TSG101: variants seen among roughly 807,000 people sequenced by gnomAD.
The protein encoded by TSG101 is tumor susceptibility 101.
TSG101 carries 19 observed loss-of-function variants against 48.5 expected under a neutral mutation model. The ratio of observed to expected loss-of-function variants is 0.39; its 90% confidence interval spans 0.27 to 0.58. The LOEUF (loss-of-function observed/expected upper bound fraction) is 0.58, where lower values mean the gene tolerates loss of function less well. TSG101 is among the 20% of genes least tolerant of loss of function. The probability of loss-of-function intolerance (pLI) is 0.55; values close to 1 mark genes in which losing one functional copy is unlikely to be tolerated. For synonymous variants in TSG101, 174 were observed against 169.4 expected, an observed-to-expected ratio of 1.03 and a Z score of -0.21; for missense variants, 365 against 484.4, an observed-to-expected ratio of 0.75 and a Z score of 2.31.
intron 1 of TSG101, among the ~76,000 whole-genome samples, chr11:18,524,730 C>A (rs1291671553): frequency 6.6e-6 from 1 of 152,084 alleles, no homozygotes; most frequent in Non-Finnish European, 1.5e-5. Context: ...AAAGTAATCA[C>A]AGGTTGGGTG....
intron 4 of TSG101, among the ~76,000 whole-genome samples, chr11:18,512,312 A>G (rs1446022874): frequency 1.3e-5 from 2 of 152,190 alleles, no homozygotes; most frequent in African/African-American, 4.8e-5. Context: ...AGGTTGAGGC[A>G]GTCTCTATTC....
At chr11:18,506,236 G>A (rs891173987) in intron 6 of TSG101, among the ~76,000 whole-genome samples, 3 of 151,832 alleles carry the variant, frequency 2.0e-5, no homozygotes, top group Non-Finnish European at 4.4e-5. Context: ...GGAAAGAAAT[G>A]GGTTGAGTAA....
At chr11:18,503,717 T>C (rs1849925302) in intron 6 of TSG101, among the ~76,000 whole-genome samples, 1 of 152,138 alleles carries the variant, frequency 6.6e-6, no homozygotes, top group Admixed American at 6.6e-5. Flanking sequence ...GGACATGATT[T>C]TCAGATCTAA....
At chr11:18,481,466 T>C (rs1590267296) in intron 9 of TSG101, 164 bp downstream of exon 9, 1 of 1,421,524 alleles carries the variant, frequency 7.0e-7, no homozygotes, top group East Asian at 2.6e-5. Context: ...CAGTACTCTG[T>C]AGGTAAAAAG....
At chr11:18,510,107 T>C (rs962309611) in intron 4 of TSG101, among the ~76,000 whole-genome samples, 7 of 152,294 alleles carry the variant, frequency 4.6e-5, no homozygotes, top group African/African-American at 1.7e-4. Flanking sequence ...TTATTAAAGA[T>C]ATTATGAACT....
intron 7 of TSG101, among the ~76,000 whole-genome samples, chr11:18,488,084 C>T (rs1849646953): frequency 6.6e-6 from 1 of 152,076 alleles, no homozygotes; most frequent in Admixed American, 6.5e-5. Context: ...ATAACCATCA[C>T]AGAAGAAAAC....
At chr11:18,516,268 G>C (rs58515919) in intron 2 of TSG101, 104 bp from the exon 3 acceptor site, 73,024 of 941,352 alleles carry the variant, frequency 0.078, 3,592 homozygotes, top group East Asian at 0.21. Flanking sequence ...TCCTTGAAAG[G>C]GGCTGACCTG....
At chr11:18,503,363 A>G (rs1056212458) in intron 6 of TSG101, among the ~76,000 whole-genome samples, 2 of 148,598 alleles carry the variant, frequency 1.3e-5, no homozygotes, top group Admixed American at 1.4e-4. Flanking sequence ...TCTCTTCTTC[A>G]GGTTAAATTT....
chr11:18,525,550 A>T (rs986567090), intron 1 of TSG101: 1 of 435,642 alleles, frequency 2.3e-6, no homozygotes, highest in Non-Finnish European at 3.0e-6. Flanking sequence ...TAAAAAAAAA[A>T]AAAAAAAAAA....
intron 2 of TSG101, 102 bp from the exon 3 acceptor site, chr11:18,516,266 A>G: frequency 1.0e-6 from 1 of 995,224 alleles, no homozygotes; most frequent in South Asian, 1.4e-5. Context: ...TATCCTTGAA[A>G]GGGGCTGACC....
chr11:18,519,443 T>C (rs1850231916), intron 2 of TSG101, 76 bp downstream of exon 2: 5 of 1,260,908 alleles, frequency 4.0e-6, no homozygotes, highest in South Asian at 1.3e-5. Flanking sequence ...AAACCTCAAA[T>C]GGAAAAAATT....
chr11:18,522,875 C>T (rs925343490), intron 1 of TSG101, among the ~76,000 whole-genome samples: 2 of 152,118 alleles, frequency 1.3e-5, no homozygotes, highest in African/African-American at 4.8e-5. Flanking sequence ...CTGAAATGTT[C>T]TTACCCCAGA....
At chr11:18,488,914 C>A (rs12225463) in intron 7 of TSG101, among the ~76,000 whole-genome samples, 25,884 of 151,832 alleles carry the variant, frequency 0.17, 2,725 homozygotes, top group East Asian at 0.42. Context: ...TCATGAGGTC[C>A]AGAGATCGAG....
chr11:18,508,410 G>T (rs1235350851), intron 5 of TSG101: 1 of 151,864 alleles, frequency 6.6e-6, no homozygotes, highest in Non-Finnish European at 1.5e-5. Flanking sequence ...GGCCAAGCTG[G>T]TCTTGAACTT....
intron 5 of TSG101, chr11:18,508,507 A>G (rs1850015416): frequency 6.6e-6 from 1 of 152,084 alleles, no homozygotes; most frequent in South Asian, 2.1e-4. Context: ...TCGTATTTCA[A>G]ACTTAAGCAA....
chr11:18,500,800 T>C (rs1187194448), intron 7 of TSG101, among the ~76,000 whole-genome samples: 1 of 145,114 alleles, frequency 6.9e-6, no homozygotes, highest in African/African-American at 2.4e-5. Context: ...TCTCCTTTGT[T>C]GTGCAGAAGC....
At chr11:18,499,286 A>G (rs1228773022) in intron 7 of TSG101, among the ~76,000 whole-genome samples, 2 of 114,412 alleles carry the variant, frequency 1.7e-5, no homozygotes, top group Admixed American at 1.1e-4. Flanking sequence ...TATATATATC[A>G]TATATATTTA....
chr11:18,481,410 A>G, intron 9 of TSG101: 1 of 1,333,154 alleles, frequency 7.5e-7, no homozygotes, highest in African/African-American at 1.5e-5. Context: ...TGGGCAGAGA[A>G]CTGCAGCCAC....
rs759212682 is a variant in TSG101, at chr11:18,519,650, T to C, written c.43-47A>G. ...GAATTTAGTTTAAAACCAATGCATATATTTTACAGCTGGATGAATTTTCTT... is the reference window on the plus strand; with the variant it reads ...GAATTTAGTTTAAAACCAATGCATACATTTTACAGCTGGATGAATTTTCTT... On this transcript the variant is annotated intron_variant, in intron 1 of 9. Transcript: ENST00000251968. 4.4e-6 allele frequency: 6 copies of C among 1,358,262 alleles called. No individual in the cohort carries two copies. In the East Asian group the frequency reaches 1.2e-4, roughly 26 times the overall value. The allele number at this position is 1,358,262 out of a possible 1,614,324, so 84.1% of individuals were successfully genotyped here.
Sources: gnomAD v4.1 joint callset for allele counts (sites outside exome capture counted in the v4.1 genomes callset) on GRCh38, gnomAD v4.1.1 for gene constraint, MANE v1.5 for transcripts, NCBI Gene and HGNC (gene_info 2026-07-23, HGNC 2026-07-21) for gene names.